The following MEGF9 variants were observed in gnomAD, a reference collection of about 807,000 sequenced individuals.
MEGF9 encodes the protein multiple EGF like domains 9.
A neutral mutation model predicts 46.8 loss-of-function variants in MEGF9; 6 were observed. That is an observed-to-expected ratio of 0.13 (90% CI 0.07 to 0.25). The LOEUF is 0.25. Ranked by LOEUF, MEGF9 falls within the 10% of genes least tolerant of loss-of-function variation. The pLI, the probability that MEGF9 is intolerant of heterozygous loss-of-function variation, is 1.00. For missense variants in MEGF9, 683 were observed against 792.4 expected, an observed-to-expected ratio of 0.86 and a Z score of 1.66; for synonymous variants, 302 against 330.7, an observed-to-expected ratio of 0.91 and a Z score of 0.94.
chr9:120,685,198 T>C (rs112366452), intron 1 of MEGF9, among the ~76,000 whole-genome samples: 2,272 of 152,314 alleles, frequency 0.015, 63 homozygotes, highest in African/African-American at 0.049. Context: ...TGTTCAAGGC[T>C]GCAAGCAATA....
intron 1 of MEGF9, among the ~76,000 whole-genome samples, chr9:120,699,672 A>G (rs2043894519): frequency 6.6e-6 from 1 of 150,982 alleles, no homozygotes; most frequent in South Asian, 2.1e-4. Context: ...GCAGTGAGCT[A>G]CAATCACACT....
intron 2 of MEGF9, among the ~76,000 whole-genome samples, chr9:120,632,697 CT>C (rs2043556048): frequency 6.6e-6 from 1 of 152,152 alleles, no homozygotes; most frequent in Non-Finnish European, 1.5e-5. Context: ...AGGCATTCAC[CT>C]TTTCCCCACT....
chr9:120,632,440 TG>T (rs2132308953), intron 2 of MEGF9, among the ~76,000 whole-genome samples: 1 of 152,278 alleles, frequency 6.6e-6, no homozygotes, highest in African/African-American at 2.4e-5. Context: ...TTTTTTATGT[TG>T]ATTTTGTGTC....
chr9:120,644,133 G>C (rs1224007549), intron 2 of MEGF9, among the ~76,000 whole-genome samples: 1 of 152,002 alleles, frequency 6.6e-6, no homozygotes, highest in Non-Finnish European at 1.5e-5. Context: ...CATTTTTTCG[G>C]TTCCAGAATC....
chr9:120,688,377 G>A (rs180695644), intron 1 of MEGF9, among the ~76,000 whole-genome samples: 3 of 152,190 alleles, frequency 2.0e-5, no homozygotes, highest in Admixed American at 1.3e-4. Flanking sequence ...CTAACAGCAG[G>A]GCTGTATCAG....
At chr9:120,707,208 G>C (rs1283875607) in intron 1 of MEGF9, among the ~76,000 whole-genome samples, 3 of 152,190 alleles carry the variant, frequency 2.0e-5, no homozygotes, top group Non-Finnish European at 4.4e-5. Flanking sequence ...AACATAGTAA[G>C]TGTGCTTGTA....
intron 2 of MEGF9, among the ~76,000 whole-genome samples, chr9:120,635,148 C>T (rs895283787): frequency 7.9e-5 from 12 of 152,182 alleles, no homozygotes; most frequent in Non-Finnish European, 1.5e-4. Context: ...CCCATTCTTT[C>T]CTGGCCTGTA....
intron 3 of MEGF9, among the ~76,000 whole-genome samples, chr9:120,615,858 C>A (rs1219059146): frequency 6.6e-6 from 1 of 151,990 alleles, no homozygotes; most frequent in Non-Finnish European, 1.5e-5. Context: ...CATGCCACTG[C>A]ACTCCAGCCC....
intron 3 of MEGF9, among the ~76,000 whole-genome samples, chr9:120,615,943 A>T (rs970211241): frequency 5.3e-5 from 8 of 152,202 alleles, no homozygotes; most frequent in Non-Finnish European, 8.8e-5. Flanking sequence ...TTGATTCTTA[A>T]ATATTAATCA....
rs900378751 is a variant in MEGF9 at position 120,605,285 on chromosome 9, C to T, written c.1714G>A (p.Ala572Thr). ...FSSYHDSIPN[A>T]DVSGLLEDDG... ...TCTTCCAACAATCCCGAAACATCTG[C>T]ATTGGGAATGCTGTCATGGTAGCTG... is the stretch of plus-strand genomic sequence containing the variant. Residue 572 changes from alanine (A) to threonine (T), a missense_variant, in exon 6 of 6, where the codon GCA (alanine) becomes ACA (threonine). Physicochemically the swap from Ala to Thr is moderately conservative, Grantham distance 58. Transcript: ENST00000373930. The surrounding 1 kb of genome is among the most constrained non-coding windows in gnomAD (Gnocchi z 4.0). The T allele has an allele frequency of 2.5e-6, 4 of 1,613,914 alleles. No homozygotes were observed. The highest frequency in any genetic ancestry group is 3.4e-6 in the Non-Finnish European group (4 of 1,179,910).
chr9:120,660,530 T>C (rs1433769157), intron 1 of MEGF9, among the ~76,000 whole-genome samples: 5 of 152,202 alleles, frequency 3.3e-5, no homozygotes, highest in Admixed American at 2.6e-4. Context: ...CTTTCTATTT[T>C]TTTTTGTACC....
intron 1 of MEGF9, among the ~76,000 whole-genome samples, chr9:120,698,768 T>C (rs796871576): frequency 3.9e-5 from 6 of 152,328 alleles, no homozygotes; most frequent in African/African-American, 1.4e-4. Flanking sequence ...TTTAATCCCC[T>C]CTCAATAACA....
At chr9:120,672,656 C>A (rs1226863601) in intron 1 of MEGF9, among the ~76,000 whole-genome samples, 2 of 152,080 alleles carry the variant, frequency 1.3e-5, no homozygotes, top group African/African-American at 4.8e-5. Flanking sequence ...TGTCTCTATT[C>A]ACAGATAACA....
Position 120,714,116 on chromosome 9 carries a change from C to A in MEGF9, c.243G>T (p.Gly81=). The change falls in exon 1 of 6, where the codon GGG becomes GGT. Residue 81 remains glycine (G), a synonymous_variant. Coordinates refer to ENST00000373930, the MANE Select transcript of MEGF9 (RefSeq NM_001080497.3). ...GTCGGTGGACGGTGGCGCGCGGGGG[C>A]CCGGTCCTCGGGGCCTGGGCCGTGG... is the stretch of plus-strand genomic sequence containing the variant. The part of the protein sequence containing the change: ...TAPTAQAPRT[G]PPRATVHRPL... 1 of 1,243,650 alleles carries A rather than the reference C, an allele frequency of 8.0e-7. No individual in the cohort carries two copies. The highest frequency in any genetic ancestry group is 1.0e-6 in the Non-Finnish European group (1 of 993,738). 77.0% of individuals were successfully genotyped at this position (1,243,650 alleles called of 1,614,324 possible). A position where few individuals can be genotyped will look rare whatever the true frequency, so the allele number is the denominator to read the frequency against.
chr9:120,613,766 C>T (rs2043459256), intron 3 of MEGF9, among the ~76,000 whole-genome samples: 1 of 152,046 alleles, frequency 6.6e-6, no homozygotes, highest in Non-Finnish European at 1.5e-5. Flanking sequence ...CTCAGAACTA[C>T]TATTATGGAA....
chr9:120,659,611 A>G, intron 1 of MEGF9, 36 bp from the exon 2 acceptor site: 1 of 1,470,688 alleles, frequency 6.8e-7, no homozygotes, highest in South Asian at 1.2e-5. Flanking sequence ...ATTACCAACT[A>G]AGATTTAATG....
At chr9:120,692,521 C>T (rs1213949338) in intron 1 of MEGF9, among the ~76,000 whole-genome samples, 1 of 152,120 alleles carries the variant, frequency 6.6e-6, no homozygotes, top group Non-Finnish European at 1.5e-5. Flanking sequence ...ACTGATCTTT[C>T]CAAACACAAA....
chr9:120,681,915 G>A (rs79158969), intron 1 of MEGF9, among the ~76,000 whole-genome samples: 6,219 of 152,224 alleles, frequency 0.041, 420 homozygotes, highest in African/African-American at 0.14. Flanking sequence ...ATCTGAATCC[G>A]TTGTTTATAG....
chr9:120,605,868 A>G lies in MEGF9; in HGVS notation c.1358-227T>C, dbSNP rs564727775. 6.6e-6 allele frequency among the ~76,000 whole-genome samples: 1 copy of G among 152,170 alleles called. No individual in the cohort carries two copies. The highest frequency in any genetic ancestry group is 1.9e-4 in the East Asian group (1 of 5,192). The stretch of plus-strand genomic sequence containing the variant: ...CATCTATGGCTGTTTTCCAATATGT[A>G]TAATATCTACATTAAAATCTTTGGG... On this transcript the variant is annotated intron_variant, in intron 5 of 5. Coordinates refer to ENST00000373930, the MANE Select transcript of MEGF9 (RefSeq NM_001080497.3). This position sits in a 1 kb window ranked among gnomAD's most constrained non-coding sequence, Gnocchi z 4.0.
Sources: allele counts gnomAD v4.1 joint callset (sites outside exome capture counted in the v4.1 genomes callset), GRCh38; gene constraint gnomAD v4.1.1; non-coding constraint Gnocchi (gnomAD v3.1); transcripts MANE v1.5; gene names NCBI Gene and HGNC (gene_info 2026-07-23, HGNC 2026-07-21).